RFX7: variants seen among roughly 807,000 people sequenced by gnomAD.
The protein encoded by RFX7 is DNA-binding protein RFX7.
RFX7 carries 26 observed loss-of-function variants against 111.8 expected under a neutral mutation model. The ratio of observed to expected loss-of-function variants is 0.23; its 90% CI spans 0.17 to 0.32. The LOEUF (loss-of-function observed/expected upper bound fraction) is 0.32, where lower values mean the gene tolerates loss of function less well. Ranked by LOEUF, RFX7 falls within the 10% of genes least tolerant of loss-of-function variation. RFX7 has a pLI of 1.00. For synonymous variants in RFX7, 624 were observed against 624.4 expected, an observed-to-expected ratio of 1.00 and a Z score of 0.01; for missense variants, 1,573 against 1,772.9, an observed-to-expected ratio of 0.89 and a Z score of 2.02.
At chr15:56,111,910 G>A (rs1204103943) in intron 5 of RFX7, among the ~76,000 whole-genome samples, 1 of 151,760 alleles carries the variant, frequency 6.6e-6, no homozygotes, top group Non-Finnish European at 1.5e-5. Flanking sequence ...AGGTCAGGAG[G>A]TCGAGACCAG....
chr15:56,174,135 G>A (rs576315281), intron 3 of RFX7, among the ~76,000 whole-genome samples: 4 of 152,022 alleles, frequency 2.6e-5, no homozygotes, highest in Admixed American at 6.6e-5. Flanking sequence ...AAAATAAGCC[G>A]GGTATGGTGG....
intron 2 of RFX7, among the ~76,000 whole-genome samples, chr15:56,233,270 A>G (rs1295778402): frequency 6.6e-6 from 1 of 152,232 alleles, no homozygotes; most frequent in African/African-American, 2.4e-5. Context: ...GCAGCAGACA[A>G]GAGAGAAAGA....
chr15:56,203,095 A>C (rs1246938507), intron 2 of RFX7, among the ~76,000 whole-genome samples: 1 of 152,248 alleles, frequency 6.6e-6, no homozygotes, highest in African/African-American at 2.4e-5. Flanking sequence ...TCACAGGCAC[A>C]GATCATAAGG....
At chr15:56,098,433 T>G in intron 8 of RFX7, 57 bp from the exon 9 acceptor site, 2 of 1,484,882 alleles carry the variant, frequency 1.3e-6, no homozygotes, top group Non-Finnish European at 1.8e-6. Context: ...AGAAGGGAGG[T>G]TCCTTTGAAT....
rs916986225 is a variant in RFX7, at chr15:56,203,796, A to G, written c.162-24493T>C. ...TGGTCTAAAAAGGGAAGCATGAATA[A>G]TCCACCCCTTATTTAGCATATCATC... On this transcript the variant is annotated intron_variant, in intron 2 of 9. Transcript: ENST00000559447. Among the ~76,000 whole-genome samples, 5 of 152,152 alleles carry G rather than the reference A, an allele frequency of 3.3e-5. 1 individual carries two copies. In the East Asian group the frequency reaches 5.8e-4, roughly 18 times the overall value.
rs181842241 is a variant in RFX7, at chr15:56,127,057, A to G, written c.401+15721T>C. The stretch of plus-strand genomic sequence containing the variant: ...TCCAGCCAACAATAGCACAAAAAGC[A>G]TTCTTCTCAAGTGCATATGGAATAT... On this transcript the variant is annotated intron_variant, in intron 5 of 9. Transcript: ENST00000559447. Among the ~76,000 whole-genome samples, 187 of 152,282 alleles carry G rather than the reference A, an allele frequency of 1.2e-3. No individual in the cohort carries two copies. The Middle Eastern group carries it at 0.017, about 14-fold the overall frequency.
intron 2 of RFX7, among the ~76,000 whole-genome samples, chr15:56,220,683 TTTAA>T (rs749370698): frequency 1.1e-4 from 16 of 152,212 alleles, no homozygotes; most frequent in Non-Finnish European, 2.4e-4. Flanking sequence ...AGTTCTTTAG[TTTAA>T]TTAAGTCCCA....
At chr15:56,124,782 G>A (rs2140977308) in intron 5 of RFX7, among the ~76,000 whole-genome samples, 1 of 152,260 alleles carries the variant, frequency 6.6e-6, no homozygotes, top group South Asian at 2.1e-4. Flanking sequence ...TGAATAGTTT[G>A]CAAATATTTT....
intron 5 of RFX7, among the ~76,000 whole-genome samples, chr15:56,129,334 C>T (rs1458236209): frequency 6.7e-6 from 1 of 149,530 alleles, no homozygotes; most frequent in Admixed American, 6.7e-5. Context: ...GAGATTGCAA[C>T]ACAGCACTCC....
intron 2 of RFX7, among the ~76,000 whole-genome samples, chr15:56,195,224 G>A (rs1372096522): frequency 6.6e-6 from 1 of 152,106 alleles, no homozygotes; most frequent in Non-Finnish European, 1.5e-5. Context: ...CAGAGAGATA[G>A]AAAGCAGATG....
At chr15:56,223,592 G>A (rs151243423) in intron 2 of RFX7, among the ~76,000 whole-genome samples, 2 of 152,072 alleles carry the variant, frequency 1.3e-5, no homozygotes, top group African/African-American at 4.8e-5. Context: ...AAGTTAAAAT[G>A]TATCAATTAA....
chr15:56,165,416 C>T (rs2042771636), intron 3 of RFX7, among the ~76,000 whole-genome samples: 1 of 152,220 alleles, frequency 6.6e-6, no homozygotes, highest in Admixed American at 6.5e-5. Context: ...TACCTAGTTT[C>T]AGGAAGTGAC....
At chr15:56,100,945 T>C (rs1356083731) in intron 8 of RFX7, among the ~76,000 whole-genome samples, 2 of 152,190 alleles carry the variant, frequency 1.3e-5, no homozygotes, top group Non-Finnish European at 2.9e-5. Flanking sequence ...TTTATAAGCA[T>C]TAGTTTCTGG....
intron 2 of RFX7, among the ~76,000 whole-genome samples, chr15:56,196,185 C>A (rs1276905834): frequency 6.6e-6 from 1 of 151,986 alleles, no homozygotes; most frequent in Non-Finnish European, 1.5e-5. Context: ...TAATATAACA[C>A]CCATGTACCT....
intron 5 of RFX7, among the ~76,000 whole-genome samples, chr15:56,130,249 T>A (rs865901966): frequency 5.3e-5 from 8 of 152,140 alleles, no homozygotes; most frequent in Non-Finnish European, 1.0e-4. Context: ...TATACAGAGC[T>A]ACAGAAAGAG....
At chr15:56,155,927 A>C (rs373025564) in intron 3 of RFX7, among the ~76,000 whole-genome samples, 30 of 152,108 alleles carry the variant, frequency 2.0e-4, no homozygotes, top group Middle Eastern at 3.2e-3. Context: ...AAAATGGTTT[A>C]TAAGCACCAG....
At chr15:56,196,179 A>G (rs543310235) in intron 2 of RFX7, among the ~76,000 whole-genome samples, 2 of 152,270 alleles carry the variant, frequency 1.3e-5, no homozygotes, top group South Asian at 2.1e-4. Context: ...AAAGAATAAT[A>G]TAACACCCAT....
chr15:56,096,699 A>C (rs1266850982), intron 9 of RFX7, 79 bp from the exon 10 acceptor site: 1 of 1,386,014 alleles, frequency 7.2e-7, no homozygotes, highest in Non-Finnish European at 9.5e-7. Flanking sequence ...TATACTTTTA[A>C]GTCATTTATT....
At chr15:56,158,109 T>A (rs1252509891) in intron 3 of RFX7, among the ~76,000 whole-genome samples, 2 of 152,182 alleles carry the variant, frequency 1.3e-5, no homozygotes, top group Non-Finnish European at 2.9e-5. Context: ...ATAATAAGGA[T>A]ATGACATATA....
Sources: allele counts gnomAD v4.1 joint callset (sites outside exome capture counted in the v4.1 genomes callset), GRCh38; gene constraint gnomAD v4.1.1; transcripts MANE v1.5; gene names NCBI Gene and HGNC (gene_info 2026-07-23, HGNC 2026-07-21).